The following HIP1 variants were observed in gnomAD, a reference collection of about 807,000 sequenced individuals.
HIP1 encodes huntingtin interacting protein 1, also known as huntingtin-interacting protein 1.
Under a neutral mutation model 147.6 loss-of-function variants are expected in HIP1, and 65 were observed. The observed-to-expected ratio is 0.44, with a 90% confidence interval of 0.36 to 0.54. HIP1 has a LOEUF of 0.54. Among genes scored for constraint, HIP1 ranks in the 20% least tolerant of loss-of-function variants. HIP1 has a pLI of 0.00. For missense variants in HIP1, 1,061 were observed against 1,299.6 expected (o/e 0.82, Z 2.82); for synonymous variants, 479 against 504.0 (o/e 0.95, Z 0.67).
chr7:75,563,043 C>T lies in HIP1; in HGVS notation c.912G>A (p.Leu304=). ...NPPNFLRASA[L]SEHISPVVVI... The stretch of plus-strand genomic sequence containing the variant: ...CCACCACAGGGCTGATATGTTCTGA[C>T]AGGGCTGAGGCTCGCAGGAAGTTGG... Residue 304 remains leucine, a synonymous_variant, in exon 11 of 31, where the codon CTG becomes CTA. Transcript: ENST00000336926. 2 of 1,614,174 alleles carry T rather than the reference C, an allele frequency of 1.2e-6. No homozygotes were observed. Among genetic ancestry groups the T allele is most frequent in the Non-Finnish European group, 8.5e-7 (1 of 1,180,032 alleles).
At position 75,553,475 on chromosome 7, in the gene HIP1, C is replaced by T. The variant is rs1554492511; in HGVS notation, c.2273G>A (p.Ser758Asn). 2 of 1,614,158 alleles carry T rather than the reference C, an allele frequency of 1.2e-6. No individual in the cohort carries two copies. The highest frequency in any genetic ancestry group is 1.7e-6 in the Non-Finnish European group (2 of 1,180,040). Residue 758 changes from serine (S) to asparagine (N), a missense_variant, in exon 22 of 31, where the codon AGC becomes AAC. Physicochemically the swap from Ser to Asn is conservative, Grantham distance 46. Transcript: ENST00000336926. The part of the protein sequence containing the change: ...ADSTAMRNCL[S>N]KIKAIGEELL... ...TACCTCGCCGATGGCCTTGATCTTG[C>T]TCAGGCAGTTCCTCATGGCTGTGCT... is the stretch of plus-strand genomic sequence containing the variant.
chr7:75,726,447 C>G (rs1554522348), intron 1 of HIP1, among the ~76,000 whole-genome samples: 3 of 152,022 alleles, frequency 2.0e-5, no homozygotes, highest in African/African-American at 7.2e-5. Flanking sequence ...CCACACCTGG[C>G]TAATTTTTTG....
intron 1 of HIP1, among the ~76,000 whole-genome samples, chr7:75,639,562 C>CGT (rs57827695): frequency 0.32 from 43,407 of 137,174 alleles, 6,709 homozygotes; most frequent in Non-Finnish European, 0.38. Flanking sequence ...CGCCAGGAAG[C>CGT]GTGTGTGTGT....
intron 2 of HIP1, among the ~76,000 whole-genome samples, chr7:75,596,257 A>G (rs1299920504): frequency 2.0e-5 from 3 of 150,676 alleles, no homozygotes; most frequent in Non-Finnish European, 4.4e-5. Flanking sequence ...AAAAAAAAAA[A>G]GCTTTGGGAT....
At chr7:75,688,723 G>T in intron 1 of HIP1, among the ~76,000 whole-genome samples, 1 of 152,044 alleles carries the variant, frequency 6.6e-6, no homozygotes, top group Non-Finnish European at 1.5e-5. Context: ...TTGTTTGCAC[G>T]GGCCTCCCAG....
chr7:75,544,603 G>C, intron 27 of HIP1, 92 bp downstream of exon 27: 1 of 780,470 alleles, frequency 1.3e-6, no homozygotes, highest in Non-Finnish European at 2.3e-6. Flanking sequence ...ACTCAGCCAA[G>C]TACTGCCTAA....
At chr7:75,664,325 C>CATATATAT (rs1554514242) in intron 1 of HIP1, among the ~76,000 whole-genome samples, 2 of 143,110 alleles carry the variant, frequency 1.4e-5, no homozygotes, top group African/African-American at 5.2e-5. Flanking sequence ...TATACATACA[C>CATATATAT]ATGCATATAT....
rs191934241 is a variant in HIP1, at chr7:75,622,730, T to C, written c.121-23483A>G. Among the ~76,000 whole-genome samples, 748 of 151,636 alleles carry C rather than the reference T, an allele frequency of 4.9e-3. 13 individuals carry two copies. The highest frequency in any genetic ancestry group is 0.018 in the African/African-American group (731 of 41,326). On this transcript the variant is annotated intron_variant, in intron 1 of 30. Coordinates refer to ENST00000336926, the MANE Select transcript of HIP1 (RefSeq NM_005338.7). ...TGGTGGCTGGTGCCTGTAATCCCAA[T>C]GCTTTGGGAGGCTGAGGCAAGAGGA...
At position 75,588,448 on chromosome 7, in the gene HIP1, CTG is replaced by C. The variant is rs587667796; in HGVS notation, c.385-1617_385-1616del. Among the ~76,000 whole-genome samples the C allele has an allele frequency of 9.9e-5, 15 of 152,252 alleles. No individual in the cohort carries two copies. In the South Asian group the frequency reaches 2.5e-3, roughly 25 times the overall value. On this transcript the variant is annotated intron_variant, in intron 4 of 30. Transcript: ENST00000336926. ...TTCATATATCTAAAGAAATAAGAGA[CTG>C]TTTCAAAATATATGCAGGGCATAAT...
At chr7:75,656,603 G>A (rs1481425312) in intron 1 of HIP1, among the ~76,000 whole-genome samples, 11 of 151,950 alleles carry the variant, frequency 7.2e-5, no homozygotes, top group Admixed American at 7.2e-4. Context: ...TCAGCCTCTG[G>A]AGTAGCTGGG....
rs587630498 is a variant in HIP1, at chr7:75,535,411, A to G, written c.*2761T>C. The G allele has an allele frequency of 2.7e-5, 5 of 183,610 alleles. No homozygotes were observed. The Admixed American group carries it at 3.1e-4, about 12-fold the overall frequency. 11.4% of individuals were successfully genotyped at this position (183,610 alleles called of 1,614,324 possible). On this transcript the variant is annotated 3_prime_UTR_variant, in exon 31 of 31. Transcript: ENST00000336926. ...CACTCTGTCACCCAGGCCGGAGTGC[A>G]CTGGCACAATCAGGGCTGACTGCAG...
intron 3 of HIP1, 111 bp from the exon 4 acceptor site, chr7:75,592,223 G>T: frequency 7.3e-7 from 1 of 1,367,422 alleles, no homozygotes; most frequent in Non-Finnish European, 1.0e-6. Flanking sequence ...CAGGCTGATG[G>T]GAGGGAGACT....
At chr7:75,617,136 G>A (rs182057249) in intron 1 of HIP1, among the ~76,000 whole-genome samples, 4 of 148,400 alleles carry the variant, frequency 2.7e-5, no homozygotes, top group East Asian at 2.0e-4. Flanking sequence ...GTGCAATGGC[G>A]TGATCTCAGC....
chr7:75,557,678 G>A lies in HIP1; in HGVS notation c.1557C>T (p.Arg519=). Residue 519 remains arginine, a synonymous_variant, in exon 16 of 31, where the codon CGC becomes CGT. Coordinates refer to ENST00000336926, the MANE Select transcript of HIP1 (RefSeq NM_005338.7). ...CCTTCCGCTGGCCCTGGTCACTGAT[G>A]CGCTCCAACGAATCCTCCAGCTCTT... The part of the protein sequence containing the change: ...EKKELEDSLE[R]ISDQGQRKTQ... The A allele has an allele frequency of 6.2e-7, 1 of 1,613,878 alleles. No homozygotes were observed. Among genetic ancestry groups the A allele is most frequent in the South Asian group, 1.1e-5 (1 of 91,072 alleles).
intron 13 of HIP1, among the ~76,000 whole-genome samples, chr7:75,561,107 C>A (rs1372752272): frequency 6.6e-6 from 1 of 152,074 alleles, no homozygotes; most frequent in Admixed American, 6.6e-5. Context: ...TGCCTGCCAA[C>A]ACACCCGGCT....
In HIP1 at chr7:75,658,532, A is replaced by G. The variant is rs2525466; in HGVS notation, c.121-59285T>C. Among the ~76,000 whole-genome samples the G allele has an allele frequency of 8.8e-3, 1,342 of 152,242 alleles. 22 individuals are homozygous for G. The highest frequency in any genetic ancestry group is 0.031 in the African/African-American group (1,274 of 41,550). The stretch of plus-strand genomic sequence containing the variant: ...CTCCCAGCAGCTGAATTTTGCGGGC[A>G]GGAAAGGAGGCACAGAGGTCGCTGG... On this transcript the variant is annotated intron_variant, in intron 1 of 30. Transcript: ENST00000336926.
chr7:75,613,869 T>C (rs1223750347), intron 1 of HIP1, among the ~76,000 whole-genome samples: 1 of 151,640 alleles, frequency 6.6e-6, no homozygotes, highest in African/African-American at 2.4e-5. Flanking sequence ...AGACGACAGG[T>C]GCATGCCACC....
chr7:75,579,585 C>T (rs1182361537), intron 7 of HIP1, among the ~76,000 whole-genome samples: 3 of 152,162 alleles, frequency 2.0e-5, no homozygotes, highest in African/African-American at 4.8e-5. Flanking sequence ...AGCCACTGTG[C>T]CTGGCCTGTT....
At chr7:75,573,337 C>T (rs1358541186) in intron 8 of HIP1, among the ~76,000 whole-genome samples, 11 of 152,328 alleles carry the variant, frequency 7.2e-5, no homozygotes, top group African/African-American at 1.9e-4. Flanking sequence ...GACAGGACAA[C>T]CTGCCTACAG....
Sources: gnomAD v4.1 joint callset for allele counts (sites outside exome capture counted in the v4.1 genomes callset) on GRCh38, gnomAD v4.1.1 for gene constraint, MANE v1.5 for transcripts, NCBI Gene and HGNC (gene_info 2026-07-23, HGNC 2026-07-21) for gene names.